Variants in LRFN2 observed in about 807,000 individuals in gnomAD.
LRFN2 encodes leucine rich repeat and fibronectin type III domain containing 2, also known as leucine-rich repeat and fibronectin type-III domain-containing protein 2.
In LRFN2, 18 loss-of-function variants were observed where a neutral mutation model predicts 37.3. The ratio of observed to expected loss-of-function variants is 0.48; its 90% CI spans 0.33 to 0.72. The LOEUF (loss-of-function observed/expected upper bound fraction) is 0.72, where lower values mean the gene tolerates loss of function less well. LRFN2 is among the 30% of genes least tolerant of loss of function. LRFN2 has a pLI of 0.02. For synonymous variants in LRFN2, 556 were observed against 466.6 expected (o/e 1.19, Z -2.47); for missense variants, 1,006 against 1,060.7 (o/e 0.95, Z 0.72).
At chr6:40,406,839 A>G (rs1349291982) in intron 2 of LRFN2, among the ~76,000 whole-genome samples, 2 of 152,170 alleles carry the variant, frequency 1.3e-5, no homozygotes, top group Non-Finnish European at 2.9e-5. Flanking sequence ...CCATTTCCTC[A>G]TAGCACAGTT....
chr6:40,412,419 C>A (rs1158731056), intron 2 of LRFN2, among the ~76,000 whole-genome samples: 3 of 152,180 alleles, frequency 2.0e-5, no homozygotes, highest in Admixed American at 6.5e-5. Context: ...TAGCCTGGGG[C>A]TGCACAGCTC....
chr6:40,548,401 A>G (rs1766703472), intron 1 of LRFN2, among the ~76,000 whole-genome samples: 1 of 151,488 alleles, frequency 6.6e-6, no homozygotes, highest in Non-Finnish European at 1.5e-5. Context: ...AGATCGTGCC[A>G]TTGCACTCCA....
chr6:40,478,750 ATGTGTGTATG>A (rs1489470939), intron 1 of LRFN2, among the ~76,000 whole-genome samples: 1 of 152,190 alleles, frequency 6.6e-6, no homozygotes, highest in Admixed American at 6.5e-5. Flanking sequence ...CAATATGTGC[ATGTGTGTATG>A]TGTGTGTATG....
chr6:40,436,998 G>A (rs1763694947), intron 1 of LRFN2, among the ~76,000 whole-genome samples: 1 of 151,554 alleles, frequency 6.6e-6, no homozygotes, highest in African/African-American at 2.4e-5. Context: ...GTGGTTGAGT[G>A]TGTGTGTGTG....
intron 1 of LRFN2, among the ~76,000 whole-genome samples, chr6:40,565,117 T>C (rs2113790936): frequency 6.6e-6 from 1 of 152,324 alleles, no homozygotes; most frequent in South Asian, 2.1e-4. Context: ...CAGGACCATC[T>C]AGCAGAGGAC....
At chr6:40,440,488 G>GAATGAATA in intron 1 of LRFN2, among the ~76,000 whole-genome samples, 1 of 151,700 alleles carries the variant, frequency 6.6e-6, no homozygotes, top group South Asian at 2.1e-4. Flanking sequence ...ATGAACGAAT[G>GAATGAATA]AATGAATAAA....
At chr6:40,438,746 G>A (rs545213144) in intron 1 of LRFN2, among the ~76,000 whole-genome samples, 7 of 152,204 alleles carry the variant, frequency 4.6e-5, no homozygotes, top group East Asian at 1.9e-4. Flanking sequence ...TGGAAGGGAC[G>A]CTGGCATTCT....
chr6:40,446,203 C>T (rs1763965308), intron 1 of LRFN2, among the ~76,000 whole-genome samples: 1 of 152,238 alleles, frequency 6.6e-6, no homozygotes, highest in Non-Finnish European at 1.5e-5. Flanking sequence ...TTCCTCCAGC[C>T]TGGCCACTCC....
At chr6:40,416,298 C>CA (rs1347308608) in intron 2 of LRFN2, among the ~76,000 whole-genome samples, 1 of 152,236 alleles carries the variant, frequency 6.6e-6, no homozygotes, top group African/African-American at 2.4e-5. Context: ...CGTGAGCCAC[C>CA]ATGTCCGGCC....
chr6:40,438,620 T>C (rs9394694), intron 1 of LRFN2, among the ~76,000 whole-genome samples: 23,391 of 152,194 alleles, frequency 0.15, 2,321 homozygotes, highest in East Asian at 0.3. Flanking sequence ...GAGGCTTCCA[T>C]GTGCCTGGCG....
chr6:40,539,674 C>A (rs939176295), intron 1 of LRFN2, among the ~76,000 whole-genome samples: 1 of 152,196 alleles, frequency 6.6e-6, no homozygotes, highest in African/African-American at 2.4e-5. Context: ...TTCATTCACA[C>A]AGGATTCGCA....
intron 1 of LRFN2, among the ~76,000 whole-genome samples, chr6:40,463,949 C>T (rs1409800205): frequency 2.6e-5 from 4 of 152,162 alleles, no homozygotes; most frequent in Admixed American, 6.5e-5. Flanking sequence ...TGTATTTGCT[C>T]ATGCCTCCTT....
intron 1 of LRFN2, among the ~76,000 whole-genome samples, chr6:40,475,812 C>T (rs1315689171): frequency 2.0e-5 from 3 of 152,124 alleles, no homozygotes. Context: ...GTCTACCCTT[C>T]CCAGGTTACA....
chr6:40,534,301 T>G (rs1234449479), intron 1 of LRFN2, among the ~76,000 whole-genome samples: 1 of 152,136 alleles, frequency 6.6e-6, no homozygotes, highest in Non-Finnish European at 1.5e-5. Context: ...GGTCATGGAC[T>G]CTTATGAGAA....
chr6:40,518,959 T>G (rs1330347992), intron 1 of LRFN2, among the ~76,000 whole-genome samples: 2 of 151,882 alleles, frequency 1.3e-5, no homozygotes, highest in Non-Finnish European at 2.9e-5. Context: ...AGCAGAGAGC[T>G]CAGCACGTTC....
intron 1 of LRFN2, among the ~76,000 whole-genome samples, chr6:40,513,265 C>G (rs1765767181): frequency 6.6e-6 from 1 of 150,886 alleles, no homozygotes; most frequent in Admixed American, 6.6e-5. Context: ...CAAGTTCTCA[C>G]TCTCATCACC....
intron 1 of LRFN2, among the ~76,000 whole-genome samples, chr6:40,549,900 C>G (rs996404496): frequency 6.6e-6 from 1 of 152,018 alleles, no homozygotes; most frequent in Admixed American, 6.6e-5. Flanking sequence ...ATTAGCCAGG[C>G]ATGGTGGTGC....
chr6:40,397,320 C>T (rs1262580050), intron 2 of LRFN2, among the ~76,000 whole-genome samples: 2 of 152,208 alleles, frequency 1.3e-5, no homozygotes, highest in East Asian at 1.9e-4. Context: ...CCTTCCAACT[C>T]CACATACAGT....
chr6:40,438,855 T>C (rs530345603), intron 1 of LRFN2, among the ~76,000 whole-genome samples: 1 of 152,292 alleles, frequency 6.6e-6, no homozygotes, highest in African/African-American at 2.4e-5. Context: ...AAATACATAC[T>C]GGCAATAATA....
Sources: allele counts gnomAD v4.1 joint callset (sites outside exome capture counted in the v4.1 genomes callset), GRCh38; gene constraint gnomAD v4.1.1; transcripts MANE v1.5; gene names NCBI Gene and HGNC (gene_info 2026-07-23, HGNC 2026-07-21).